CNTN5: variants seen among roughly 807,000 people sequenced by gnomAD.
CNTN5 encodes contactin 5.
Under a neutral mutation model 129.1 loss-of-function variants are expected in CNTN5, and 77 were observed. That is an observed-to-expected ratio of 0.60 (90% CI 0.50 to 0.72). CNTN5 has a LOEUF of 0.72. Ranked by LOEUF, CNTN5 falls within the 30% of genes least tolerant of loss-of-function variation. The pLI is 0.00. For missense variants in CNTN5, 1,478 were observed against 1,328.8 expected (o/e 1.11, Z -1.75); for synonymous variants, 509 against 465.6 (o/e 1.09, Z -1.20).
intron 13 of CNTN5, among the ~76,000 whole-genome samples, chr11:100,083,490 G>A (rs1944436838): frequency 2.0e-5 from 3 of 151,970 alleles, no homozygotes; most frequent in Admixed American, 1.3e-4. Context: ...CCAACACTGG[G>A]AATCTGATTT....
At chr11:100,171,952 C>A (rs1392513912) in intron 13 of CNTN5, among the ~76,000 whole-genome samples, 28 of 151,878 alleles carry the variant, frequency 1.8e-4, no homozygotes, top group African/African-American at 2.4e-5. Flanking sequence ...GGAGAAACAA[C>A]CATTAAGTTT....
chr11:99,494,698 T>C (rs775788849), intron 2 of CNTN5, among the ~76,000 whole-genome samples: 4 of 152,176 alleles, frequency 2.6e-5, no homozygotes, highest in Admixed American at 1.3e-4. Flanking sequence ...TGCTTTCTTA[T>C]ATAGCTGAAC....
chr11:99,996,202 T>TC (rs1939434682), intron 8 of CNTN5, among the ~76,000 whole-genome samples: 1 of 152,162 alleles, frequency 6.6e-6, no homozygotes, highest in Admixed American at 6.6e-5. Flanking sequence ...AATTGGTTTT[T>TC]CCCATCTAGT....
intron 2 of CNTN5, among the ~76,000 whole-genome samples, chr11:99,392,500 C>T (rs990366780): frequency 1.3e-5 from 2 of 151,818 alleles, no homozygotes; most frequent in Non-Finnish European, 2.9e-5. Context: ...AACTTTTCAT[C>T]CAGCCCATCT....
intron 17 of CNTN5, among the ~76,000 whole-genome samples, chr11:100,261,663 T>A (rs1950199996): frequency 6.6e-6 from 1 of 152,124 alleles, no homozygotes; most frequent in Non-Finnish European, 1.5e-5. Context: ...AACCATCTGA[T>A]CTTTGACAAA....
At chr11:99,485,452 A>G (rs1945774415) in intron 2 of CNTN5, among the ~76,000 whole-genome samples, 1 of 152,230 alleles carries the variant, frequency 6.6e-6, no homozygotes. Context: ...ATGATTTGTC[A>G]GTATAGGCTC....
intron 9 of CNTN5, among the ~76,000 whole-genome samples, chr11:100,036,538 A>T (rs1233715628): frequency 2.1e-5 from 3 of 145,720 alleles, no homozygotes; most frequent in Non-Finnish European, 4.6e-5. Flanking sequence ...GATGGCATTG[A>T]ATCTGTAAAT....
At chr11:99,923,598 G>A (rs1387693924) in intron 7 of CNTN5, among the ~76,000 whole-genome samples, 3 of 152,004 alleles carry the variant, frequency 2.0e-5, no homozygotes, top group African/African-American at 7.3e-5. Context: ...CCCAGTAATG[G>A]GATTGCTAGG....
chr11:100,061,766 G>C (rs1235103323), intron 10 of CNTN5, among the ~76,000 whole-genome samples: 1 of 152,084 alleles, frequency 6.6e-6, no homozygotes, highest in Admixed American at 6.6e-5. Flanking sequence ...ATCCTGCCCA[G>C]GTGCCATTTT....
chr11:99,786,149 C>T (rs78588608), intron 3 of CNTN5, among the ~76,000 whole-genome samples: 11 of 152,128 alleles, frequency 7.2e-5, no homozygotes, highest in African/African-American at 2.7e-4. Flanking sequence ...TAAGCAACTT[C>T]AGCAAAGTCT....
intron 23 of CNTN5, among the ~76,000 whole-genome samples, chr11:100,348,248 T>C (rs1019227975): frequency 6.6e-6 from 1 of 152,084 alleles, no homozygotes; most frequent in Non-Finnish European, 1.5e-5. Flanking sequence ...GTTCTCATTC[T>C]CATGCATCTT....
At chr11:100,330,919 GAAACAAA>G (rs1366548842) in intron 21 of CNTN5, among the ~76,000 whole-genome samples, 1 of 151,666 alleles carries the variant, frequency 6.6e-6, no homozygotes, top group African/African-American at 2.4e-5. Flanking sequence ...TAACACAATG[GAAACAAA>G]AAACAAGGTA....
chr11:99,202,992 G>A (rs984575410), intron 1 of CNTN5, among the ~76,000 whole-genome samples: 2 of 151,736 alleles, frequency 1.3e-5, no homozygotes, highest in African/African-American at 4.8e-5. Flanking sequence ...ATGAAAGAAA[G>A]AGAGAGAAGA....
chr11:99,252,195 C>A (rs1862142007), intron 1 of CNTN5, among the ~76,000 whole-genome samples: 1 of 151,900 alleles, frequency 6.6e-6, no homozygotes, highest in African/African-American at 2.4e-5. Flanking sequence ...ATTCATGAAT[C>A]TCTCATCTTT....
intron 1 of CNTN5, among the ~76,000 whole-genome samples, chr11:99,079,479 T>C: frequency 6.6e-6 from 1 of 152,154 alleles, no homozygotes; most frequent in Non-Finnish European, 1.5e-5. Context: ...GTCAAATAAA[T>C]TCAAGTGAAT....
intron 2 of CNTN5, among the ~76,000 whole-genome samples, chr11:99,358,378 G>A (rs1274175472): frequency 8.6e-5 from 11 of 127,790 alleles, no homozygotes; most frequent in African/African-American, 1.2e-4. Flanking sequence ...GCAGCCGGGC[G>A]CGGTGGCCGA....
intron 18 of CNTN5, among the ~76,000 whole-genome samples, chr11:100,284,411 A>T (rs1434012930): frequency 6.6e-6 from 1 of 152,226 alleles, no homozygotes; most frequent in East Asian, 1.9e-4. Context: ...AAAGATAGAC[A>T]GCCCTGTGTT....
At chr11:100,239,085 A>G (rs1393130751) in intron 16 of CNTN5, among the ~76,000 whole-genome samples, 1 of 152,178 alleles carries the variant, frequency 6.6e-6, no homozygotes, top group Non-Finnish European at 1.5e-5. Flanking sequence ...TGAGCTGATG[A>G]AATCTTGCAT....
chr11:99,715,869 G>C (rs1296197063), intron 3 of CNTN5, among the ~76,000 whole-genome samples: 1 of 151,622 alleles, frequency 6.6e-6, no homozygotes, highest in Non-Finnish European at 1.5e-5. Flanking sequence ...TTAAGCAAAG[G>C]TTTATCTAAA....
Sources: gnomAD v4.1 joint callset for allele counts (sites outside exome capture counted in the v4.1 genomes callset) on GRCh38, gnomAD v4.1.1 for gene constraint, MANE v1.5 for transcripts, NCBI Gene and HGNC (gene_info 2026-07-23, HGNC 2026-07-21) for gene names.